The following DUXA variants were observed in gnomAD, a reference collection of about 807,000 sequenced individuals.
The protein encoded by DUXA is double homeobox A, also known as double homeobox protein A.
A neutral mutation model predicts 27.5 loss-of-function variants in DUXA; 25 were observed. That is an observed-to-expected ratio of 0.91 (90% confidence interval 0.66 to 1.27). The LOEUF (loss-of-function observed/expected upper bound fraction) is 1.27. DUXA is among the 50% of genes most tolerant of loss of function. The pLI, the probability that DUXA is intolerant of heterozygous loss-of-function variation, is 0.00. For synonymous variants in DUXA, 90 were observed against 80.5 expected, an observed-to-expected ratio of 1.12 and a Z score of -0.63; for missense variants, 247 against 242.9, an observed-to-expected ratio of 1.02 and a Z score of -0.11.
In DUXA at chr19:57,154,199, G is replaced by A. The variant is rs987657519; in HGVS notation, c.*213C>T. ...CAGAGTCTTGCTATATGTTGTCCAG[G>A]CTGGTTTCAAACTCCTGAGCTCAAG... is the stretch of plus-strand genomic sequence containing the variant. On this transcript the variant is annotated 3_prime_UTR_variant, in exon 6 of 6. Transcript: ENST00000554048. 9.9e-6 allele frequency: 5 copies of A among 503,768 alleles called. No homozygotes were observed. The highest frequency in any genetic ancestry group is 5.9e-5 in the African/African-American group (3 of 51,102). The allele number at this position is 503,768 out of a possible 1,614,324, so 31.2% of individuals were successfully genotyped here. A position where few individuals can be genotyped will look rare whatever the true frequency, so the allele number is the denominator to read the frequency against.
chr19:57,155,563 G>T (rs1429517118), intron 4 of DUXA, among the ~76,000 whole-genome samples, 191 bp from the exon 5 acceptor site: 2 of 151,770 alleles, frequency 1.3e-5, no homozygotes, highest in African/African-American at 4.8e-5. Context: ...TCACCACGTG[G>T]CCCAGGCTGA....
chr19:57,154,951 T>TCACA (rs2086985021), intron 5 of DUXA, among the ~76,000 whole-genome samples: 2 of 152,204 alleles, frequency 1.3e-5, no homozygotes, highest in African/African-American at 4.8e-5. Flanking sequence ...GAGGATTCAT[T>TCACA]CCTCCTCTCA....
chr19:57,164,622 T>C (rs1008704778), intron 1 of DUXA, among the ~76,000 whole-genome samples: 6 of 150,502 alleles, frequency 4.0e-5, no homozygotes, highest in Non-Finnish European at 7.4e-5. Context: ...GCTAGATGAC[T>C]GTAGGATTTT....
intron 5 of DUXA, among the ~76,000 whole-genome samples, chr19:57,154,688 C>T (rs1038502421): frequency 2.0e-5 from 3 of 151,904 alleles, no homozygotes; most frequent in Non-Finnish European, 2.9e-5. Context: ...CTCAGCCTCC[C>T]GAGTAGCTGG....
chr19:57,155,070 T>C (rs1378913990), intron 5 of DUXA, among the ~76,000 whole-genome samples, 197 bp downstream of exon 5: 1 of 152,196 alleles, frequency 6.6e-6, no homozygotes, highest in African/African-American at 2.4e-5. Context: ...AGTTGGAAAG[T>C]GGGCAGTGGA....
chr19:57,154,376 A>G lies in DUXA; in HGVS notation c.*36T>C. 1 of 1,585,748 alleles carries G rather than the reference A, an allele frequency of 6.3e-7. No individual in the cohort carries two copies. The highest frequency in any genetic ancestry group is 8.7e-7 in the Non-Finnish European group (1 of 1,154,834). ...AGACCGTGAGACAGATTTGGGGTCC[A>G]GTTGATATTATCAAGTACACTGAAT... On this transcript the variant is annotated 3_prime_UTR_variant, in exon 6 of 6. Coordinates refer to ENST00000554048, the MANE Select transcript of DUXA (RefSeq NM_001012729.2).
intron 5 of DUXA, 125 bp from the exon 6 acceptor site, chr19:57,154,607 A>T (rs1169733661): frequency 2.8e-6 from 2 of 706,966 alleles, no homozygotes; most frequent in Non-Finnish European, 4.4e-6. Context: ...TTTGTCGCCC[A>T]GGCTGGAGTG....
In DUXA at chr19:57,154,113, C is replaced by G. The variant is rs577014615; in HGVS notation, c.*299G>C. 1 of 293,116 alleles carries G rather than the reference C, an allele frequency of 3.4e-6. No homozygotes were observed. The highest frequency in any genetic ancestry group is 2.2e-5 in the African/African-American group (1 of 45,174). 18.2% of individuals were successfully genotyped at this position (293,116 alleles called of 1,614,324 possible). ...GTGTCAACAGGGTAGTGTGGTACCC[C>G]CTGTACCCGTCTCTGCCTCCTACAG... is the stretch of plus-strand genomic sequence containing the variant. On this transcript the variant is annotated 3_prime_UTR_variant, in exon 6 of 6. Coordinates refer to ENST00000554048, the MANE Select transcript of DUXA (RefSeq NM_001012729.2).
chr19:57,158,386 C>T lies in DUXA; in HGVS notation c.380G>A (p.Gly127Glu), dbSNP rs1378046339. Residue 127 changes from glycine (G) to glutamate (E), a missense_variant, in exon 4 of 6, where the codon GGG (glycine) becomes GAG (glutamate). Coordinates refer to ENST00000554048, the MANE Select transcript of DUXA (RefSeq NM_001012729.2). ...IKAFMKNPYP[G>E]IDSREELAKE... ...AGCAAGTTCTTCTCTGGAATCAATC[C>T]CAGGATATGGGTTTTTCATAAATGC... 1 of 1,612,962 alleles carries T rather than the reference C, an allele frequency of 6.2e-7. No individual in the cohort carries two copies. Among genetic ancestry groups the T allele is most frequent in the African/African-American group, 1.3e-5 (1 of 74,874 alleles).
intron 5 of DUXA, 113 bp from the exon 6 acceptor site, chr19:57,154,595 A>G (rs142792522): frequency 0.051 from 41,012 of 808,904 alleles, 2,855 homozygotes; most frequent in East Asian, 0.35. Context: ...ACGGAGTCTC[A>G]CTTTGTCGCC....
At chr19:57,163,711 G>A (rs56302406) in intron 1 of DUXA, among the ~76,000 whole-genome samples, 7 of 152,066 alleles carry the variant, frequency 4.6e-5, no homozygotes, top group Non-Finnish European at 1.0e-4. Context: ...TTACAGGTGT[G>A]AGCCACCATG....
At chr19:57,166,532 A>T (rs1287251469) in intron 1 of DUXA, among the ~76,000 whole-genome samples, 3 of 151,754 alleles carry the variant, frequency 2.0e-5, no homozygotes, top group Non-Finnish European at 2.9e-5. Flanking sequence ...CTGGTCTTGA[A>T]CTCCTGACCT....
chr19:57,154,543 G>A, intron 5 of DUXA, 61 bp from the exon 6 acceptor site: 2 of 1,350,250 alleles, frequency 1.5e-6, no homozygotes, highest in Non-Finnish European at 2.1e-6. Context: ...CACAAACATG[G>A]ACGTCAGCCT....
chr19:57,159,317 T>A (rs1442737697), intron 2 of DUXA, 39 bp from the exon 3 acceptor site: 19 of 1,583,836 alleles, frequency 1.2e-5, no homozygotes, highest in Non-Finnish European at 1.6e-5. Flanking sequence ...TACGTGTTAA[T>A]GTCATTTAAG....
chr19:57,158,517 T>C (rs757413435), intron 3 of DUXA, 44 bp from the exon 4 acceptor site: 5 of 1,603,402 alleles, frequency 3.1e-6, no homozygotes, highest in Non-Finnish European at 4.3e-6. Context: ...TCAAGGAATA[T>C]TGCAAGGGTC....
At chr19:57,157,060 T>C (rs1356424809) in intron 4 of DUXA, among the ~76,000 whole-genome samples, 1 of 152,116 alleles carries the variant, frequency 6.6e-6, no homozygotes. Context: ...CCTAGTACAG[T>C]ACCTAGCACA....
intron 1 of DUXA, among the ~76,000 whole-genome samples, chr19:57,165,162 A>T (rs1211396057): frequency 6.6e-6 from 1 of 151,576 alleles, no homozygotes; most frequent in Non-Finnish European, 1.5e-5. Flanking sequence ...AAGTAACACC[A>T]CCCCTTTCAA....
In DUXA at chr19:57,158,176, C is replaced by T. The variant is rs560350612; in HGVS notation, c.438+152G>A. 30 of 832,520 alleles carry T rather than the reference C, an allele frequency of 3.6e-5. No homozygotes were observed. The South Asian group carries it at 4.4e-4, about 12-fold the overall frequency. 51.6% of individuals were successfully genotyped at this position (832,520 alleles called of 1,614,324 possible). Reference sequence around the variant, plus strand: ...GGGATGTGAGATTGAGTCCTGTGGGCACCTGGGGGTAGAAGCCAGCAGACA... The same window carrying T: ...GGGATGTGAGATTGAGTCCTGTGGGTACCTGGGGGTAGAAGCCAGCAGACA... On this transcript the variant is annotated intron_variant, in intron 4 of 5. Transcript: ENST00000554048.
intron 1 of DUXA, among the ~76,000 whole-genome samples, chr19:57,165,572 G>A (rs924331858): frequency 6.6e-6 from 1 of 151,642 alleles, no homozygotes. Flanking sequence ...TTGGGAGGCC[G>A]AGGCGGGCAG....
Sources: gnomAD v4.1 joint callset for allele counts (sites outside exome capture counted in the v4.1 genomes callset) on GRCh38, gnomAD v4.1.1 for gene constraint, MANE v1.5 for transcripts, NCBI Gene and HGNC (gene_info 2026-07-23, HGNC 2026-07-21) for gene names.